ORC4: variants seen among roughly 807,000 people sequenced by gnomAD.
The protein encoded by ORC4 is origin recognition complex subunit 4, also known as origin recognition complex, subunit 4 homolog.
In ORC4, 55 loss-of-function variants were observed where a neutral mutation model predicts 63.9. The ratio of observed to expected loss-of-function variants is 0.86; its 90% confidence interval spans 0.69 to 1.08. ORC4 has a LOEUF of 1.08. ORC4 is among the 50% of genes least tolerant of loss of function. The pLI is 0.00. For synonymous variants in ORC4, 150 were observed against 168.5 expected, an observed-to-expected ratio of 0.89 and a Z score of 0.85; for missense variants, 511 against 504.4, an observed-to-expected ratio of 1.01 and a Z score of -0.13.
At chr2:147,957,915 C>G (rs1689352350) in intron 6 of ORC4, among the ~76,000 whole-genome samples, 1 of 152,114 alleles carries the variant, frequency 6.6e-6, no homozygotes, top group African/African-American at 2.4e-5. Context: ...ACATTTTCTA[C>G]TATACACAGG....
intron 1 of ORC4, chr2:147,981,966 G>T (rs1573838928): frequency 6.6e-6 from 1 of 152,142 alleles, no homozygotes; most frequent in Non-Finnish European, 1.5e-5. Context: ...ATGTTAACAG[G>T]TCCTTAGCTG....
chr2:148,003,443 C>G (rs1475590824), intron 1 of ORC4, among the ~76,000 whole-genome samples: 11 of 152,166 alleles, frequency 7.2e-5, no homozygotes, highest in Admixed American at 4.6e-4. Flanking sequence ...CCCTGGGATG[C>G]AAGGCTGGTT....
chr2:147,969,447 T>C (rs901992454), intron 4 of ORC4, among the ~76,000 whole-genome samples: 4 of 152,026 alleles, frequency 2.6e-5, no homozygotes, highest in African/African-American at 4.8e-5. Flanking sequence ...ATAAAAAGGT[T>C]AATTACTACC....
chr2:147,955,537 T>C lies in ORC4; in HGVS notation c.388-142A>G, dbSNP rs1353763553. ...TTGCCCAGACTCTGCTGAGTGTCTC[T>C]ATACTTCCTATCTAAAACTTAAATA... is the stretch of plus-strand genomic sequence containing the variant. On this transcript the variant is annotated intron_variant, in intron 6 of 13. Coordinates refer to ENST00000392857, the MANE Select transcript of ORC4 (RefSeq NM_181741.4). 3 of 585,264 alleles carry C rather than the reference T, an allele frequency of 5.1e-6. No individual in the cohort carries two copies. In the African/African-American group the frequency reaches 5.7e-5, roughly 11 times the overall value. 36.3% of individuals were successfully genotyped at this position (585,264 alleles called of 1,614,324 possible). A position where few individuals can be genotyped will look rare whatever the true frequency, so the allele number is the denominator to read the frequency against.
intron 1 of ORC4, among the ~76,000 whole-genome samples, chr2:147,976,362 C>G (rs1365123950): frequency 2.6e-5 from 4 of 152,138 alleles, no homozygotes; most frequent in Non-Finnish European, 5.9e-5. Context: ...TTTAGACATG[C>G]TACTACTGCA....
chr2:148,018,703 T>TA (rs1195983093), intron 1 of ORC4, among the ~76,000 whole-genome samples: 6 of 152,192 alleles, frequency 3.9e-5, no homozygotes, highest in Admixed American at 3.9e-4. Flanking sequence ...TCCACTTACA[T>TA]ACAATTAAGA....
Position 147,975,931 on chromosome 2 carries a change from T to A in ORC4, c.28A>T (p.Ser10Cys). Reference protein sequence around the residue: MSSRKSKSNSLIHTECLSQV... With the variant: MSSRKSKSNCLIHTECLSQV... Reference sequence around the variant, plus strand: ...GAAAGGCACTCTGTGTGAATTAAGCTGTTACTCTTTGATTTACGACTGCTC... The same window carrying A: ...GAAAGGCACTCTGTGTGAATTAAGCAGTTACTCTTTGATTTACGACTGCTC... Residue 10 changes from serine (S) to cysteine (C), a missense_variant, in exon 2 of 14, where the codon AGC becomes TGC. By Grantham distance (112) the Ser-to-Cys change is moderately radical. Coordinates refer to ENST00000392857, the MANE Select transcript of ORC4 (RefSeq NM_181741.4). 6.3e-7 allele frequency: 1 copy of A among 1,594,426 alleles called. No homozygotes were observed. Among genetic ancestry groups the A allele is most frequent in the Non-Finnish European group, 8.6e-7 (1 of 1,162,558 alleles).
chr2:147,983,084 A>G (rs1334212122), intron 1 of ORC4, among the ~76,000 whole-genome samples: 1 of 152,212 alleles, frequency 6.6e-6, no homozygotes, highest in African/African-American at 2.4e-5. Context: ...TGAGGATGTA[A>G]AGAAAATGAA....
chr2:147,968,414 G>C (rs1690020474), intron 4 of ORC4, among the ~76,000 whole-genome samples: 1 of 152,008 alleles, frequency 6.6e-6, no homozygotes, highest in Non-Finnish European at 1.5e-5. Context: ...TTCATATCCA[G>C]ATTACACAAG....
intron 1 of ORC4, among the ~76,000 whole-genome samples, chr2:147,996,417 A>C (rs28801194): frequency 0.019 from 2,919 of 152,346 alleles, 89 homozygotes; most frequent in African/African-American, 0.067. Context: ...ACAATCCATG[A>C]AAGAAAATAA....
Position 147,931,329 on chromosome 2 carries a change from G to GTCTT in ORC4, c.*4177_*4180dup, listed in dbSNP as rs1305027877. ...CCACAATAAACATACGTGTGCATGT[G>GTCTT]TCTTTATAGCAGCATGATTTATAGT... On this transcript the variant is annotated 3_prime_UTR_variant, in exon 14 of 14. Coordinates refer to ENST00000392857, the MANE Select transcript of ORC4 (RefSeq NM_181741.4). The GTCTT allele has an allele frequency of 6.6e-6, 1 of 151,896 alleles. No individual in the cohort carries two copies. Among genetic ancestry groups the GTCTT allele is most frequent in the Admixed American group, 6.6e-5 (1 of 15,230 alleles). 9.4% of individuals were successfully genotyped at this position (151,896 alleles called of 1,614,324 possible).
At chr2:147,940,836 T>G (rs1339925015) in intron 10 of ORC4, among the ~76,000 whole-genome samples, 1 of 152,060 alleles carries the variant, frequency 6.6e-6, no homozygotes, top group Non-Finnish European at 1.5e-5. Context: ...GCATAAATTT[T>G]TTTTAACATA....
At chr2:147,985,023 T>A (rs1390382492) in intron 1 of ORC4, among the ~76,000 whole-genome samples, 1 of 152,204 alleles carries the variant, frequency 6.6e-6, no homozygotes, top group African/African-American at 2.4e-5. Flanking sequence ...CATCCTTTAC[T>A]GCTCTTGAGG....
intron 1 of ORC4, among the ~76,000 whole-genome samples, chr2:148,017,109 CA>C (rs1693345983): frequency 1.3e-5 from 2 of 152,158 alleles, no homozygotes; most frequent in Non-Finnish European, 2.9e-5. Flanking sequence ...GAAATTAAGA[CA>C]TGGTAAACAC....
At chr2:147,954,268 C>T (rs1689124827) in intron 7 of ORC4, among the ~76,000 whole-genome samples, 1 of 152,058 alleles carries the variant, frequency 6.6e-6, no homozygotes, top group African/African-American at 2.4e-5. Flanking sequence ...AGGTCAAAGA[C>T]CCAACAGGAA....
chr2:147,964,555 C>A (rs969052343), intron 4 of ORC4, among the ~76,000 whole-genome samples: 10 of 152,280 alleles, frequency 6.6e-5, no homozygotes, highest in African/African-American at 1.7e-4. Flanking sequence ...CTTCCCAGTT[C>A]TTGAGAGAGG....
At chr2:147,993,707 A>G (rs991289811) in intron 1 of ORC4, among the ~76,000 whole-genome samples, 2 of 152,140 alleles carry the variant, frequency 1.3e-5, no homozygotes, top group Admixed American at 1.3e-4. Flanking sequence ...AAGGAGAGCT[A>G]AAAATTAGGG....
chr2:147,962,232 C>A lies in ORC4; in HGVS notation c.226-3366G>T, dbSNP rs1689639851. Among the ~76,000 whole-genome samples the A allele has an allele frequency of 3.3e-5, 5 of 152,160 alleles. No individual in the cohort carries two copies. In the South Asian group the frequency reaches 1.0e-3, roughly 32 times the overall value. ...CCAGTCCTCACCGCCATCACAAACA[C>A]CTACAGTCCTTACCACAGGAGAATC... On this transcript the variant is annotated intron_variant, in intron 4 of 13. Coordinates refer to ENST00000392857, the MANE Select transcript of ORC4 (RefSeq NM_181741.4).
At chr2:147,999,274 C>G (rs978773009) in intron 1 of ORC4, among the ~76,000 whole-genome samples, 3 of 152,104 alleles carry the variant, frequency 2.0e-5, no homozygotes, top group Non-Finnish European at 2.9e-5. Flanking sequence ...GGACACAAGA[C>G]ACAGCAGAAG....
Sources: gnomAD v4.1 joint callset for allele counts (sites outside exome capture counted in the v4.1 genomes callset) on GRCh38, gnomAD v4.1.1 for gene constraint, MANE v1.5 for transcripts, NCBI Gene and HGNC (gene_info 2026-07-23, HGNC 2026-07-21) for gene names.